Variants in OR11H4 observed in about 807,000 individuals in gnomAD.
OR11H4 encodes olfactory receptor 11H4.
For missense variants in OR11H4, 460 were observed against 371.1 expected, an observed-to-expected ratio of 1.24 and a Z score of -1.97; for synonymous variants, 162 against 142.3, an observed-to-expected ratio of 1.14 and a Z score of -0.98.
In OR11H4 at chr14:20,243,417, T is replaced by C. The variant is rs1239392177; in HGVS notation, c.596T>C (p.Phe199Ser). The change falls in exon 2 of 2, where the codon TTC (phenylalanine) becomes TCC (serine). Residue 199 changes from phenylalanine (F) to serine (S), a missense_variant. Physicochemically the swap from Phe to Ser is radical, Grantham distance 155. Transcript: ENST00000641082. ...CAPAPITECI[F>S]YTQSSLVLFF... is the part of the protein sequence containing the mutation. Reference sequence around the variant, plus strand: ...CCAGCTCCCATAACTGAATGTATTTTCTATACTCAGAGCTCCCTTGTCCTC... The same window carrying C: ...CCAGCTCCCATAACTGAATGTATTTCCTATACTCAGAGCTCCCTTGTCCTC... 6.2e-7 allele frequency: 1 copy of C among 1,613,890 alleles called. No individual in the cohort carries two copies. The highest frequency in any genetic ancestry group is 1.1e-5 in the South Asian group (1 of 91,074).
At position 20,240,320 on chromosome 14, in the gene OR11H4, A is replaced by T. The variant is rs529607672; in HGVS notation, c.-12+989A>T. The stretch of plus-strand genomic sequence containing the variant: ...CAAATGCCTTTTAAATTCAGCATTG[A>T]TTGGAAAGCTGGACAACTTTAGAAC... On this transcript the variant is annotated intron_variant, in intron 1 of 1. Transcript: ENST00000641082. Among the ~76,000 whole-genome samples the T allele has an allele frequency of 3.9e-5, 6 of 152,296 alleles. No individual in the cohort carries two copies. In the South Asian group the frequency reaches 1.2e-3, roughly 32 times the overall value.
chr14:20,241,958 A>G (rs1000357180), intron 1 of OR11H4, among the ~76,000 whole-genome samples: 9 of 152,052 alleles, frequency 5.9e-5, no homozygotes, highest in African/African-American at 2.2e-4. Context: ...TACTGCCAAC[A>G]TGTCTCGCTT....
chr14:20,242,942 G>C lies in OR11H4; in HGVS notation c.121G>C (p.Gly41Arg). Residue 41 changes from glycine (G) to arginine (R), a missense_variant, in exon 2 of 2, where the codon GGA becomes CGA. Physicochemically the swap from Gly to Arg is moderately radical, Grantham distance 125. Transcript: ENST00000641082. ...GGTGATTTATGTCTTGACCTTGCTGGGAAATGGAGCCATCATCTATGCAGT... is the reference window on the plus strand; with the variant it reads ...GGTGATTTATGTCTTGACCTTGCTGCGAAATGGAGCCATCATCTATGCAGT... ...FLVIYVLTLL[G>R]NGAIIYAVRC... 2.5e-6 allele frequency: 4 copies of C among 1,614,014 alleles called. No individual in the cohort carries two copies. The highest frequency in any genetic ancestry group is 4.5e-5 in the East Asian group (2 of 44,880).
chr14:20,242,704 CT>C, intron 1 of OR11H4, 106 bp from the exon 2 acceptor site: 3 of 1,290,702 alleles, frequency 2.3e-6, no homozygotes, highest in South Asian at 2.8e-5. Flanking sequence ...ATGTATTTTC[CT>C]GTATACCTCA....
intron 1 of OR11H4, among the ~76,000 whole-genome samples, chr14:20,242,540 CA>C (rs1880957333): frequency 6.6e-6 from 1 of 152,122 alleles, no homozygotes; most frequent in African/African-American, 2.4e-5. Context: ...TCCCTTTCTA[CA>C]TAGACACAGT....
At chr14:20,239,643 G>C (rs1230332809) in intron 1 of OR11H4, among the ~76,000 whole-genome samples, 2 of 151,794 alleles carry the variant, frequency 1.3e-5, no homozygotes, top group Non-Finnish European at 2.9e-5. Context: ...GCAGTGAGCC[G>C]AGATCGCGCC....
intron 1 of OR11H4, among the ~76,000 whole-genome samples, chr14:20,241,825 C>G (rs2138749919): frequency 6.6e-6 from 1 of 152,084 alleles, no homozygotes; most frequent in Non-Finnish European, 1.5e-5. Flanking sequence ...AACATGTGAG[C>G]AGAAGAATCT....
intron 1 of OR11H4, among the ~76,000 whole-genome samples, chr14:20,240,171 A>T (rs530388641): frequency 4.6e-5 from 7 of 152,186 alleles, no homozygotes; most frequent in African/African-American, 1.7e-4. Context: ...CTGGTTCCCA[A>T]TTTAAGTCTG....
rs775706710 is a variant in OR11H4 at position 20,243,530 on chromosome 14, G to A, written c.709G>A (p.Ala237Thr). The change falls in exon 2 of 2, where the codon GCC becomes ACC. Residue 237 changes from alanine (A) to threonine (T), a missense_variant. Physicochemically the swap from Ala to Thr is moderately conservative, Grantham distance 58 (BLOSUM62 0). Transcript: ENST00000641082. ...CCCTTCTGCAGCTGGTCGGAGAAAA[G>A]CCTTCTCTACCTGTGGTTCTCATTT... ...QVPSAAGRRK[A>T]FSTCGSHLVV... 22 of 1,613,576 alleles carry A rather than the reference G, an allele frequency of 1.4e-5. No homozygotes were observed. The Middle Eastern group carries it at 4.9e-4, about 36-fold the overall frequency.
At position 20,242,873 on chromosome 14, in the gene OR11H4, C is replaced by T. The variant is rs746747635; in HGVS notation, c.52C>T (p.Pro18Ser). 4 of 1,614,110 alleles carry T rather than the reference C, an allele frequency of 2.5e-6. No individual in the cohort carries two copies. The highest frequency in any genetic ancestry group is 2.2e-5 in the South Asian group (2 of 91,074). Reference sequence around the variant, plus strand: ...GACAGAGTTTATTCTCCTGGGATTCCCTGGTTGCTGGAAGATTCAGATTTT... The same window carrying T: ...GACAGAGTTTATTCTCCTGGGATTCTCTGGTTGCTGGAAGATTCAGATTTT... ...IVTEFILLGF[P>S]GCWKIQIFLF... is the part of the protein sequence containing the mutation. The change falls in exon 2 of 2, where the codon CCT becomes TCT. Residue 18 changes from proline to serine, a missense_variant. Coordinates refer to ENST00000641082, the MANE Select transcript of OR11H4 (RefSeq NM_001004479.2).
chr14:20,239,635 A>C (rs1297825400), intron 1 of OR11H4, among the ~76,000 whole-genome samples: 4 of 151,984 alleles, frequency 2.6e-5, no homozygotes, highest in Admixed American at 2.0e-4. Context: ...TGGAGCTTGC[A>C]GTGAGCCGAG....
rs200249592 is a variant in OR11H4 at position 20,243,670 on chromosome 14, T to A, written c.849T>A (p.Pro283=). The A allele has an allele frequency of 1.2e-6, 2 of 1,613,956 alleles. No homozygotes were observed. The highest frequency in any genetic ancestry group is 1.3e-5 in the African/African-American group (1 of 74,912). The change falls in exon 2 of 2, where the codon CCT becomes CCA. Residue 283 remains proline, a synonymous_variant. Transcript: ENST00000641082. ...ILTLVYSVTT[P]LFNPLIYTLR... is the part of the protein sequence containing the mutation. Reference sequence around the variant, plus strand: ...CACTGGTATATTCAGTAACGACTCCTCTTTTTAATCCTCTGATCTATACTC... The same window carrying A: ...CACTGGTATATTCAGTAACGACTCCACTTTTTAATCCTCTGATCTATACTC...
chr14:20,243,711 T>C lies in OR11H4; in HGVS notation c.890T>C (p.Met297Thr). 1 of 1,604,338 alleles carries C rather than the reference T, an allele frequency of 6.2e-7. No homozygotes were observed. The change falls in exon 2 of 2, where the codon ATG (methionine) becomes ACG (threonine). Residue 297 changes from methionine (M) to threonine (T), a missense_variant. By Grantham distance (81) the Met-to-Thr change is moderately conservative. Transcript: ENST00000641082. ...PLIYTLRNKD[M>T]KLALRNVLFG... ...ATCTATACTCTTCGTAATAAGGACATGAAACTCGCTCTGAGAAATGTCCTG... is the reference window on the plus strand; with the variant it reads ...ATCTATACTCTTCGTAATAAGGACACGAAACTCGCTCTGAGAAATGTCCTG...
Position 20,243,413 on chromosome 14 carries a change from A to G in OR11H4, c.592A>G (p.Ile198Val), listed in dbSNP as rs1880985662. The change falls in exon 2 of 2, where the codon ATT becomes GTT. Residue 198 changes from isoleucine to valine, a missense_variant. Coordinates refer to ENST00000641082, the MANE Select transcript of OR11H4 (RefSeq NM_001004479.2). ...TGCCCCAGCTCCCATAACTGAATGT[A>G]TTTTCTATACTCAGAGCTCCCTTGT... Reference protein sequence around the residue: ...SCAPAPITECIFYTQSSLVLF... With the variant: ...SCAPAPITECVFYTQSSLVLF... 4 of 1,613,868 alleles carry G rather than the reference A, an allele frequency of 2.5e-6. No homozygotes were observed. The highest frequency in any genetic ancestry group is 3.4e-6 in the Non-Finnish European group (4 of 1,179,898).
chr14:20,240,046 A>G (rs1880881283), intron 1 of OR11H4, among the ~76,000 whole-genome samples: 1 of 152,176 alleles, frequency 6.6e-6, no homozygotes, highest in South Asian at 2.1e-4. Flanking sequence ...GTAGGGTAGT[A>G]GAAAAGACGA....
rs1261722187 is a variant in OR11H4, at chr14:20,243,474, A to G, written c.653A>G (p.Tyr218Cys). The stretch of plus-strand genomic sequence containing the variant: ...ACTAGTATGTACATTCTTCGATCCT[A>G]TATCCTGTTACTAACAGCTGTTTTT... ...FFTSMYILRSYILLLTAVFQV... is the reference protein window; with the variant it reads ...FFTSMYILRSCILLLTAVFQV... The change falls in exon 2 of 2, where the codon TAT (tyrosine) becomes TGT (cysteine). Residue 218 changes from tyrosine to cysteine, a missense_variant. Tyr to Cys is a radical substitution (Grantham distance 194, BLOSUM62 -2). Coordinates refer to ENST00000641082, the MANE Select transcript of OR11H4 (RefSeq NM_001004479.2). The G allele has an allele frequency of 1.2e-6, 2 of 1,613,798 alleles. No individual in the cohort carries two copies. Among genetic ancestry groups the G allele is most frequent in the Admixed American group, 1.7e-5 (1 of 59,980 alleles).
In OR11H4 at chr14:20,243,522, G is replaced by A. The variant is rs114526370; in HGVS notation, c.701G>A (p.Arg234Gln). The change falls in exon 2 of 2, where the codon CGG becomes CAG. Residue 234 changes from arginine (R) to glutamine (Q), a missense_variant. By Grantham distance (43) the Arg-to-Gln change is conservative (BLOSUM62 1). Transcript: ENST00000641082. ...AVFQVPSAAG[R>Q]RKAFSTCGSH... ...TTTCAGGTCCCTTCTGCAGCTGGTC[G>A]GAGAAAAGCCTTCTCTACCTGTGGT... is the stretch of plus-strand genomic sequence containing the variant. 1.5e-3 allele frequency: 2,484 copies of A among 1,613,658 alleles called. 6 individuals carry two copies. Among genetic ancestry groups the A allele is most frequent in the Non-Finnish European group, 1.8e-3 (2,152 of 1,179,864 alleles).
At chr14:20,241,614 A>C (rs1594242511) in intron 1 of OR11H4, among the ~76,000 whole-genome samples, 1 of 152,152 alleles carries the variant, frequency 6.6e-6, no homozygotes, top group Non-Finnish European at 1.5e-5. Flanking sequence ...AGGACGAGAG[A>C]CTGAGAAAAG....
intron 1 of OR11H4, among the ~76,000 whole-genome samples, chr14:20,239,642 C>T (rs901618232): frequency 6.6e-6 from 1 of 151,400 alleles, no homozygotes; most frequent in African/African-American, 2.4e-5. Context: ...TGCAGTGAGC[C>T]GAGATCGCGC....
Sources: gnomAD v4.1 joint callset for allele counts (sites outside exome capture counted in the v4.1 genomes callset) on GRCh38, gnomAD v4.1.1 for gene constraint, MANE v1.5 for transcripts, NCBI Gene and HGNC (gene_info 2026-07-23, HGNC 2026-07-21) for gene names.